The following IQCM variants were observed in gnomAD, a reference collection of about 807,000 sequenced individuals.
The protein encoded by IQCM is IQ motif containing M.
Under a neutral mutation model 57.6 loss-of-function variants are expected in IQCM, and 45 were observed. That is an observed-to-expected ratio of 0.78 (90% CI 0.62 to 1.00). IQCM has a LOEUF of 1.00. Among genes scored for constraint, IQCM ranks in the 50% least tolerant of loss-of-function variants. The probability of loss-of-function intolerance (pLI) is 0.00; values close to 1 mark genes in which losing one functional copy is unlikely to be tolerated. For synonymous variants in IQCM, 148 were observed against 158.9 expected, an observed-to-expected ratio of 0.93 and a Z score of 0.51; for missense variants, 468 against 511.6, an observed-to-expected ratio of 0.91 and a Z score of 0.82.
chr4:149,470,361 C>T (rs1034596044), intron 12 of IQCM, among the ~76,000 whole-genome samples: 1 of 150,898 alleles, frequency 6.6e-6, no homozygotes, highest in African/African-American at 2.4e-5. Flanking sequence ...CAACAAAGAT[C>T]AAAGGAGACA....
intron 12 of IQCM, among the ~76,000 whole-genome samples, chr4:149,506,695 C>G (rs924419049): frequency 1.3e-5 from 2 of 152,062 alleles, no homozygotes; most frequent in African/African-American, 2.4e-5. Context: ...CTAAAGAATC[C>G]ACAAATAATT....
intron 7 of IQCM, among the ~76,000 whole-genome samples, chr4:149,664,111 A>G (rs1323187629): frequency 6.6e-6 from 1 of 152,108 alleles, no homozygotes; most frequent in Non-Finnish European, 1.5e-5. Context: ...TACTTCATTC[A>G]TTGAATTCTT....
chr4:149,423,298 C>A (rs568799386), intron 13 of IQCM, among the ~76,000 whole-genome samples: 1 of 152,120 alleles, frequency 6.6e-6, no homozygotes, highest in East Asian at 2.0e-4. Flanking sequence ...ACTTACAAAG[C>A]CATCAGATCT....
intron 2 of IQCM, among the ~76,000 whole-genome samples, chr4:149,808,272 G>A (rs1239600230): frequency 1.3e-5 from 2 of 152,036 alleles, no homozygotes; most frequent in African/African-American, 2.4e-5. Context: ...CAACGTGGAT[G>A]GAAATGGAGG....
chr4:149,544,107 T>TA lies in IQCM; in HGVS notation c.1228+4347dup, dbSNP rs529999230. Among the ~76,000 whole-genome samples the TA allele has an allele frequency of 1.8e-4, 27 of 151,992 alleles. No individual in the cohort carries two copies. The East Asian group carries it at 2.7e-3, about 15-fold the overall frequency. ...TAGTATGTGAGCCCTTTCTTTAGATTAAAAAAAAGATCCTGAAATGTTTGT... is the reference window on the plus strand; with the variant it reads ...TAGTATGTGAGCCCTTTCTTTAGATTAAAAAAAAAGATCCTGAAATGTTTGT... On this transcript the variant is annotated intron_variant, in intron 12 of 13. Transcript: ENST00000636793.
At chr4:149,674,257 G>GA (rs374537060) in intron 7 of IQCM, among the ~76,000 whole-genome samples, 123 of 152,120 alleles carry the variant, frequency 8.1e-4, no homozygotes, top group African/African-American at 2.8e-3. Context: ...TCATTAAGTA[G>GA]AAAAAATATG....
chr4:149,407,666 C>G (rs1235134748), intron 13 of IQCM, among the ~76,000 whole-genome samples: 1 of 152,048 alleles, frequency 6.6e-6, no homozygotes, highest in Admixed American at 6.6e-5. Flanking sequence ...CTTTGTTATG[C>G]CTGAGTTGTA....
intron 2 of IQCM, among the ~76,000 whole-genome samples, chr4:149,769,442 G>C (rs1023514621): frequency 2.6e-5 from 4 of 151,728 alleles, no homozygotes; most frequent in African/African-American, 9.7e-5. Flanking sequence ...GCATGTTAAT[G>C]GGGCACACAT....
chr4:149,556,801 A>G (rs575992572), intron 10 of IQCM, among the ~76,000 whole-genome samples: 182 of 152,308 alleles, frequency 1.2e-3, no homozygotes, highest in African/African-American at 4.1e-3. Context: ...TTATCCATGC[A>G]TAGCTACTGG....
At chr4:149,716,831 T>C (rs561774214) in intron 5 of IQCM, among the ~76,000 whole-genome samples, 1 of 152,268 alleles carries the variant, frequency 6.6e-6, no homozygotes, top group Non-Finnish European at 1.5e-5. Context: ...CAGAAAATCC[T>C]TTAGGTTCTT....
At chr4:149,705,878 A>G (rs1330557782) in intron 5 of IQCM, among the ~76,000 whole-genome samples, 2 of 151,830 alleles carry the variant, frequency 1.3e-5, no homozygotes, top group Non-Finnish European at 2.9e-5. Context: ...TTATTCTCCT[A>G]TATTAGTTTT....
At chr4:149,691,339 A>G (rs913719887) in intron 5 of IQCM, among the ~76,000 whole-genome samples, 1 of 152,154 alleles carries the variant, frequency 6.6e-6, no homozygotes, top group Non-Finnish European at 1.5e-5. Flanking sequence ...TCTGCTGCTC[A>G]ATATTCCTGT....
intron 13 of IQCM, among the ~76,000 whole-genome samples, chr4:149,367,286 C>A (rs1345754856): frequency 6.6e-6 from 1 of 151,964 alleles, no homozygotes; most frequent in African/African-American, 2.4e-5. Flanking sequence ...GCCCTGTATA[C>A]AAACAAAACA....
At chr4:149,597,540 G>A (rs953852791) in intron 8 of IQCM, among the ~76,000 whole-genome samples, 9 of 151,996 alleles carry the variant, frequency 5.9e-5, no homozygotes, top group Middle Eastern at 3.2e-3. Context: ...ACAGGCCCAC[G>A]CCACCATGGC....
chr4:149,535,261 T>C, intron 12 of IQCM, among the ~76,000 whole-genome samples: 1 of 152,084 alleles, frequency 6.6e-6, no homozygotes, highest in East Asian at 1.9e-4. Flanking sequence ...TTTACGATGT[T>C]GGAATAATTA....
chr4:149,400,523 A>C (rs150198531), intron 13 of IQCM, among the ~76,000 whole-genome samples: 8 of 152,184 alleles, frequency 5.3e-5, no homozygotes, highest in African/African-American at 1.4e-4. Flanking sequence ...CAATATAAAT[A>C]GAAATCAAAA....
intron 13 of IQCM, among the ~76,000 whole-genome samples, chr4:149,355,121 AT>A (rs1296358071): frequency 6.6e-6 from 1 of 152,186 alleles, no homozygotes; most frequent in Non-Finnish European, 1.5e-5. Flanking sequence ...TTTTAAAGAA[AT>A]TTCACTGGCA....
chr4:149,378,839 A>G (rs1358463704), intron 13 of IQCM, among the ~76,000 whole-genome samples: 1 of 152,188 alleles, frequency 6.6e-6, no homozygotes, highest in Non-Finnish European at 1.5e-5. Context: ...TCTCCAGGGA[A>G]TATCAGAGAC....
rs559739995 is a variant in IQCM, at chr4:149,374,234, C to T, written c.1391-22168G>A. Reference sequence around the variant, plus strand: ...CAAACTAGAAATCACCCCTTCAACCCTCCAACAAATTTAAGTACTTAATTA... The same window carrying T: ...CAAACTAGAAATCACCCCTTCAACCTTCCAACAAATTTAAGTACTTAATTA... On this transcript the variant is annotated intron_variant, in intron 13 of 13. Transcript: ENST00000636793. Among the ~76,000 whole-genome samples, 16 of 152,236 alleles carry T rather than the reference C, an allele frequency of 1.1e-4. No individual in the cohort carries two copies. In the South Asian group the frequency reaches 3.3e-3, roughly 32 times the overall value.
Sources: allele counts gnomAD v4.1 joint callset (sites outside exome capture counted in the v4.1 genomes callset), GRCh38; gene constraint gnomAD v4.1.1; transcripts MANE v1.5; gene names NCBI Gene and HGNC (gene_info 2026-07-23, HGNC 2026-07-21).